Variants in EFHD1 observed in about 807,000 individuals in gnomAD.
EFHD1 encodes the protein EF-hand domain-containing protein D1.
In EFHD1, 10 loss-of-function variants were observed where a neutral mutation model predicts 17.2. The observed-to-expected ratio is 0.58, with a 90% CI of 0.36 to 0.99. The LOEUF (loss-of-function observed/expected upper bound fraction) is 0.99. EFHD1 is among the 50% of genes least tolerant of loss of function. EFHD1 has a pLI of 0.01. For synonymous variants in EFHD1, 153 were observed against 142.0 expected (o/e 1.08, Z -0.55); for missense variants, 310 against 327.5 (o/e 0.95, Z 0.41).
At chr2:232,632,136 A>C (rs1392627376), upstream of EFHD1, among the ~76,000 whole-genome samples, 1 of 152,206 alleles carries the variant, frequency 6.6e-6, no homozygotes, top group Non-Finnish European at 1.5e-5. Context: ...CCTTCTAGTC[A>C]CCACCACCAG....
intron 2 of EFHD1, among the ~76,000 whole-genome samples, chr2:232,664,661 T>C (rs1694937842): frequency 1.5e-5 from 2 of 135,314 alleles, no homozygotes; most frequent in Non-Finnish European, 3.1e-5. Context: ...TCACCCAGGC[T>C]GGAGTGCAGT....
At chr2:232,665,726 A>G (rs986093112) in intron 2 of EFHD1, among the ~76,000 whole-genome samples, 1 of 152,164 alleles carries the variant, frequency 6.6e-6, no homozygotes, top group Non-Finnish European at 1.5e-5. Context: ...CTGGCCTATT[A>G]TAATAATTTT....
upstream of EFHD1, among the ~76,000 whole-genome samples, chr2:232,630,683 C>T (rs1694185192): frequency 6.6e-6 from 1 of 151,778 alleles, no homozygotes; most frequent in Non-Finnish European, 1.5e-5. Context: ...CCGTGGCTCA[C>T]CCCTGTAATC....
At chr2:232,606,282 C>A in intron 1 of EFHD1, 2 of 1,365,064 alleles carry the variant, frequency 1.5e-6, no homozygotes, top group Non-Finnish European at 2.0e-6. Context: ...TCCTGGCTTT[C>A]GCCACCGGAG....
chr2:232,657,980 A>T (rs1434338940), intron 1 of EFHD1, among the ~76,000 whole-genome samples: 3 of 136,400 alleles, frequency 2.2e-5, no homozygotes, highest in African/African-American at 8.3e-5. Flanking sequence ...GGCTCACTGC[A>T]ACCTCTGCCT....
intron 2 of EFHD1, among the ~76,000 whole-genome samples, chr2:232,663,470 C>G (rs1355141206): frequency 6.6e-6 from 1 of 152,004 alleles, no homozygotes; most frequent in East Asian, 1.9e-4. Context: ...CTCCTGAGTT[C>G]AGGCGATTTG....
chr2:232,631,286 TTCTCTCTCTCTCTCTCTGTC>T (rs1300760217), upstream of EFHD1, among the ~76,000 whole-genome samples: 1 of 148,018 alleles, frequency 6.8e-6, no homozygotes. Flanking sequence ...CTCTCTTTCT[TTCTCTCTCTCTCTCTCTGTC>T]TCTCTCTCTC....
chr2:232,635,275 G>A (rs1694297125), intron 1 of EFHD1, among the ~76,000 whole-genome samples: 1 of 152,250 alleles, frequency 6.6e-6, no homozygotes, highest in Admixed American at 6.5e-5. Context: ...GACTGCCCTG[G>A]CCGGGCTGCT....
chr2:232,676,972 C>T (rs1010328422), intron 3 of EFHD1, among the ~76,000 whole-genome samples: 5 of 151,914 alleles, frequency 3.3e-5, no homozygotes, highest in Admixed American at 6.6e-5. Context: ...TGGACCACAG[C>T]CTGGGCAACA....
intron 1 of EFHD1, among the ~76,000 whole-genome samples, chr2:232,635,503 C>A (rs1006738130): frequency 6.6e-6 from 1 of 152,174 alleles, no homozygotes; most frequent in Non-Finnish European, 1.5e-5. Context: ...CATCTGTGAG[C>A]AAACAGGTAC....
rs1694254374 is a variant in EFHD1 at position 232,633,815 on chromosome 2, G to T, written c.111G>T (p.Lys37Asn). ...TCGGCGCCCCAGCCCCGGAGCCCAA[G>T]CCCGAGCCCGAGCCTCCCGCCCGTG... The part of the protein sequence containing the change: ...APLGAPAPEP[K>N]PEPEPPARAP... Residue 37 changes from lysine (K) to asparagine (N), a missense_variant, in exon 1 of 4, where the codon AAG (lysine) becomes AAT (asparagine). Coordinates refer to ENST00000264059, the MANE Select transcript of EFHD1 (RefSeq NM_025202.4). 4.1e-6 allele frequency: 6 copies of T among 1,472,814 alleles called. No individual in the cohort carries two copies. Among genetic ancestry groups the T allele is most frequent in the African/African-American group, 3.0e-5 (2 of 67,776 alleles). 91.2% of individuals were successfully genotyped at this position (1,472,814 alleles called of 1,614,324 possible).
chr2:232,618,315 C>T (rs948913385), intron 1 of EFHD1, among the ~76,000 whole-genome samples: 4 of 152,086 alleles, frequency 2.6e-5, no homozygotes, highest in Non-Finnish European at 4.4e-5. Context: ...CCACCATGCC[C>T]GGCAATAAAC....
At chr2:232,626,667 T>C (rs1477) in intron 1 of EFHD1, among the ~76,000 whole-genome samples, 34,988 of 152,026 alleles carry the variant, frequency 0.23, 4,530 homozygotes, top group East Asian at 0.57. Context: ...TGAAAGTCTG[T>C]TAGTCATCTT....
Position 232,660,208 on chromosome 2 carries a change from T to A in EFHD1, c.303-2594T>A, listed in dbSNP as rs971067070. Among the ~76,000 whole-genome samples the A allele has an allele frequency of 1.8e-3, 268 of 152,088 alleles. 1 individual carries two copies. Among genetic ancestry groups the A allele is most frequent in the African/African-American group, 6.0e-3 (251 of 41,500 alleles). ...TTATTTTATTTATTTATTTATTTTT[T>A]TTTTGAGGCGGAATCTTGCTCTGTC... On this transcript the variant is annotated intron_variant, in intron 1 of 3. Coordinates refer to ENST00000264059, the MANE Select transcript of EFHD1 (RefSeq NM_025202.4).
At chr2:232,648,190 T>G (rs1694569162) in intron 1 of EFHD1, among the ~76,000 whole-genome samples, 1 of 152,128 alleles carries the variant, frequency 6.6e-6, no homozygotes, top group Non-Finnish European at 1.5e-5. Context: ...TGCAGTGAGC[T>G]AGTATCACAC....
At chr2:232,657,616 C>T (rs1161277898) in intron 1 of EFHD1, among the ~76,000 whole-genome samples, 1 of 151,916 alleles carries the variant, frequency 6.6e-6, no homozygotes, top group East Asian at 1.9e-4. Flanking sequence ...TCGAGACCCA[C>T]CTGGCCAACA....
intron 1 of EFHD1, among the ~76,000 whole-genome samples, chr2:232,652,513 G>T (rs993102961): frequency 1.5e-4 from 23 of 152,140 alleles, no homozygotes; most frequent in Non-Finnish European, 3.1e-4. Context: ...CTCTGAAGCG[G>T]GGCTACTAAT....
rs1286417116 is a variant in EFHD1, at chr2:232,606,205, G to C, written c.14+32G>C. Reference sequence around the variant, plus strand: ...GCTCTTTAAATCCCCTTTCACCCTTGAGAGTCTACGATTTTCGACGTTTTC... The same window carrying C: ...GCTCTTTAAATCCCCTTTCACCCTTCAGAGTCTACGATTTTCGACGTTTTC... On this transcript the variant is annotated intron_variant, in intron 1 of 3. Coordinates refer to the EFHD1 transcript ENST00000409613. 5.8e-6 allele frequency: 9 copies of C among 1,549,522 alleles called. No homozygotes were observed. The Admixed American group carries it at 5.9e-5, about 10-fold the overall frequency.
intron 3 of EFHD1, among the ~76,000 whole-genome samples, chr2:232,674,313 G>T (rs189260313): frequency 6.6e-6 from 1 of 152,232 alleles, no homozygotes; most frequent in Non-Finnish European, 1.5e-5. Context: ...AGTTCATTGT[G>T]ATATACCCAC....
Sources: gnomAD v4.1 joint callset for allele counts (sites outside exome capture counted in the v4.1 genomes callset) on GRCh38, gnomAD v4.1.1 for gene constraint, MANE v1.5 for transcripts, NCBI Gene and HGNC (gene_info 2026-07-23, HGNC 2026-07-21) for gene names.